The following AMOTL1 variants were observed in gnomAD, a reference collection of about 807,000 sequenced individuals.
AMOTL1 encodes the protein angiomotin-like protein 1.
AMOTL1 carries 45 observed loss-of-function variants against 102.9 expected under a neutral mutation model. The ratio of observed to expected loss-of-function variants is 0.44; its 90% CI spans 0.34 to 0.56. AMOTL1 has a LOEUF of 0.56. Ranked by LOEUF, AMOTL1 falls within the 20% of genes least tolerant of loss-of-function variation. The pLI is 0.01. For synonymous variants in AMOTL1, 481 were observed against 484.7 expected, an observed-to-expected ratio of 0.99 and a Z score of 0.10; for missense variants, 1,114 against 1,225.6, an observed-to-expected ratio of 0.91 and a Z score of 1.36.
In AMOTL1 at chr11:94,871,762, C is replaced by G. The variant is rs754567810; in HGVS notation, c.*967C>G. ...TCCCTGTGACATATTGCATTAAGAT[C>G]GTGGCACTTGCTTTTTTGTCTTTCA... On this transcript the variant is annotated 3_prime_UTR_variant, in exon 13 of 13. Coordinates refer to ENST00000433060, the MANE Select transcript of AMOTL1 (RefSeq NM_130847.3). The G allele has an allele frequency of 6.6e-6, 1 of 152,158 alleles. No homozygotes were observed. Among genetic ancestry groups the G allele is most frequent in the Admixed American group, 6.5e-5 (1 of 15,284 alleles). 9.4% of individuals were successfully genotyped at this position (152,158 alleles called of 1,614,324 possible).
chr11:94,750,370 A>G (rs893401285), intron 3 of AMOTL1, among the ~76,000 whole-genome samples: 1 of 151,946 alleles, frequency 6.6e-6, no homozygotes, highest in Non-Finnish European at 1.5e-5. Flanking sequence ...GCCCCTACTC[A>G]CACCAGAACT....
chr11:94,852,455 GA>G (rs1415262606), intron 7 of AMOTL1, among the ~76,000 whole-genome samples: 3 of 152,204 alleles, frequency 2.0e-5, no homozygotes, highest in Non-Finnish European at 2.9e-5. Flanking sequence ...GGAATGACAG[GA>G]AATAGCATCT....
chr11:94,844,855 A>G (rs955530043), intron 6 of AMOTL1, among the ~76,000 whole-genome samples: 8 of 152,198 alleles, frequency 5.3e-5, no homozygotes, highest in African/African-American at 9.7e-5. Context: ...CAAGCACTCC[A>G]GTGACTTAGA....
chr11:94,744,677 AT>A (rs1396218579), intron 3 of AMOTL1, among the ~76,000 whole-genome samples: 1 of 152,088 alleles, frequency 6.6e-6, no homozygotes, highest in African/African-American at 2.4e-5. Context: ...TGTAAGCACT[AT>A]TTATTTCTGC....
intron 3 of AMOTL1, 48 bp downstream of exon 3, chr11:94,800,359 G>A: frequency 1.3e-6 from 2 of 1,500,142 alleles, no homozygotes; most frequent in South Asian, 2.6e-5. Flanking sequence ...AAATTCAATA[G>A]TCATGTTATT....
intron 3 of AMOTL1, among the ~76,000 whole-genome samples, chr11:94,758,402 A>C (rs1950753333): frequency 6.6e-6 from 1 of 152,208 alleles, no homozygotes; most frequent in African/African-American, 2.4e-5. Context: ...TGTGCTTTTG[A>C]CTATCAATGC....
intron 6 of AMOTL1, among the ~76,000 whole-genome samples, chr11:94,836,995 C>T (rs574874094): frequency 4.0e-5 from 6 of 151,156 alleles, no homozygotes; most frequent in Middle Eastern, 3.4e-3. Context: ...CCATGCTGGA[C>T]ACTGCAGATC....
At chr11:94,740,767 C>T (rs1950509854) in intron 2 of AMOTL1, among the ~76,000 whole-genome samples, 1 of 152,114 alleles carries the variant, frequency 6.6e-6, no homozygotes, top group Non-Finnish European at 1.5e-5. Context: ...ATTTGTCACT[C>T]CCTGGGGATC....
chr11:94,740,952 G>A, exon 3 of AMOTL1: 1 of 1,289,096 alleles, frequency 7.8e-7, no homozygotes, highest in South Asian at 1.2e-5. Flanking sequence ...TGAGTTTGTG[G>A]AAGCCTCGCC....
intron 1 of AMOTL1, among the ~76,000 whole-genome samples, chr11:94,721,308 T>C (rs140657446): frequency 2.0e-5 from 3 of 152,240 alleles, no homozygotes; most frequent in Admixed American, 6.5e-5. Flanking sequence ...TTATTCTGAT[T>C]GTGTGTTAAA....
intron 1 of AMOTL1, among the ~76,000 whole-genome samples, chr11:94,713,706 T>G (rs1047707221): frequency 2.0e-5 from 3 of 151,982 alleles, no homozygotes; most frequent in Non-Finnish European, 4.4e-5. Context: ...GAAATGCAAT[T>G]AATTTTTATG....
intron 2 of AMOTL1, among the ~76,000 whole-genome samples, chr11:94,730,048 AT>A (rs1391403130): frequency 6.6e-6 from 1 of 152,126 alleles, no homozygotes; most frequent in African/African-American, 2.4e-5. Context: ...GGAAATTTGG[AT>A]GCATTCCACC....
intron 3 of AMOTL1, among the ~76,000 whole-genome samples, chr11:94,756,539 C>T (rs1950727430): frequency 6.6e-6 from 1 of 152,124 alleles, no homozygotes; most frequent in African/African-American, 2.4e-5. Flanking sequence ...ATTTAAAATG[C>T]GGGTCAGGAC....
intron 2 of AMOTL1, among the ~76,000 whole-genome samples, chr11:94,732,620 C>T (rs1261888033): frequency 1.3e-5 from 2 of 152,206 alleles, no homozygotes; most frequent in Admixed American, 1.3e-4. Context: ...GTTGATTGGG[C>T]TGTTCGGCCA....
upstream of AMOTL1, among the ~76,000 whole-genome samples, chr11:94,767,796 G>C (rs1950873750): frequency 6.6e-6 from 1 of 151,942 alleles, no homozygotes; most frequent in Admixed American, 6.5e-5. Flanking sequence ...GCCAGAGGAT[G>C]TACGGTTCTG....
exon 2 of AMOTL1, chr11:94,728,965 A>G (rs761897845): frequency 7.8e-7 from 1 of 1,288,932 alleles, no homozygotes; most frequent in South Asian, 1.2e-5. Flanking sequence ...ACAAGGGGCT[A>G]GAAGCATGGA....
chr11:94,769,122 C>T (rs1170599180), intron 1 of AMOTL1, among the ~76,000 whole-genome samples: 1 of 152,194 alleles, frequency 6.6e-6, no homozygotes, highest in Non-Finnish European at 1.5e-5. Flanking sequence ...AGCTGCTGCT[C>T]CTTCTTTGTT....
intron 1 of AMOTL1, among the ~76,000 whole-genome samples, chr11:94,782,350 A>T (rs1951126294): frequency 6.6e-6 from 1 of 152,180 alleles, no homozygotes; most frequent in South Asian, 2.1e-4. Context: ...TGCCACCGTG[A>T]ACTGGACAAC....
upstream of AMOTL1, among the ~76,000 whole-genome samples, chr11:94,765,259 T>G (rs929185437): frequency 2.0e-5 from 3 of 152,244 alleles, no homozygotes; most frequent in Non-Finnish European, 4.4e-5. Context: ...AGATGTGGAC[T>G]GGTTCACTAC....
Sources: allele counts gnomAD v4.1 joint callset (sites outside exome capture counted in the v4.1 genomes callset), GRCh38; gene constraint gnomAD v4.1.1; transcripts MANE v1.5; gene names NCBI Gene and HGNC (gene_info 2026-07-23, HGNC 2026-07-21).